The following CHD2 variants were observed in gnomAD, a reference collection of about 807,000 sequenced individuals.
CHD2 encodes the protein ATP-dependent chromatin remodeler CHD2.
CHD2 carries 28 observed loss-of-function variants against 243.9 expected under a neutral mutation model. The ratio of observed to expected loss-of-function variants is 0.11; its 90% CI spans 0.09 to 0.16. CHD2 has a LOEUF of 0.16. Among genes scored for constraint, CHD2 ranks in the 10% least tolerant of loss-of-function variants. The pLI, the probability that CHD2 is intolerant of heterozygous loss-of-function variation, is 1.00. For missense variants in CHD2, 1,386 were observed against 2,209.8 expected (o/e 0.63, Z 7.47); for synonymous variants, 775 against 779.0 (o/e 0.99, Z 0.09).
intron 37 of CHD2, among the ~76,000 whole-genome samples, chr15:93,019,501 C>T (rs1245176705): frequency 1.3e-5 from 2 of 152,062 alleles, no homozygotes; most frequent in Non-Finnish European, 2.9e-5. Context: ...GCAACAAGAC[C>T]AAGAAGAAAG....
At chr15:93,006,323 C>T (rs2054321622) in intron 34 of CHD2, among the ~76,000 whole-genome samples, 1 of 152,018 alleles carries the variant, frequency 6.6e-6, no homozygotes, top group African/African-American at 2.4e-5. Context: ...TATGAGGTTT[C>T]ACCATGTTGG....
intron 25 of CHD2, 103 bp from the exon 26 acceptor site, chr15:92,985,395 G>A: frequency 8.4e-7 from 1 of 1,189,988 alleles, no homozygotes; most frequent in Non-Finnish European, 1.1e-6. Context: ...CTGATATGGT[G>A]AGAAGTTCTG....
chr15:92,993,369 A>C (rs1202538326), intron 28 of CHD2: 4 of 179,224 alleles, frequency 2.2e-5, no homozygotes, highest in Non-Finnish European at 3.6e-5. Context: ...TCTTGGATAT[A>C]TATTGTGCGT....
intron 33 of CHD2, among the ~76,000 whole-genome samples, chr15:93,003,886 G>A (rs1249403576): frequency 8.1e-6 from 1 of 122,784 alleles, no homozygotes; most frequent in Middle Eastern, 3.4e-3. Context: ...AGCACTTTGG[G>A]AGGCCGAGGT....
chr15:92,913,887 C>G (rs576800156), intron 2 of CHD2, among the ~76,000 whole-genome samples: 1 of 152,018 alleles, frequency 6.6e-6, no homozygotes, highest in African/African-American at 2.4e-5. Flanking sequence ...AGAAACCGTG[C>G]TTGCCTTGGT....
Position 92,997,928 on chromosome 15 carries a change from G to A in CHD2, c.3885+525G>A. 6.6e-6 allele frequency: 1 copy of A among 151,346 alleles called. No homozygotes were observed. The highest frequency in any genetic ancestry group is 1.4e-5 in the Non-Finnish European group (1 of 69,412). 9.4% of individuals were successfully genotyped at this position (151,346 alleles called of 1,614,324 possible). The stretch of plus-strand genomic sequence containing the variant: ...GGGAAGGCTGACTGGCTCAAATTTT[G>A]GTAGGATTTGCTCCATGTTGTGCTC... On this transcript the variant is annotated intron_variant, in intron 30 of 38. Transcript: ENST00000394196. The surrounding 1 kb of genome is among the most constrained non-coding windows in gnomAD (Gnocchi z 4.1).
intron 2 of CHD2, among the ~76,000 whole-genome samples, chr15:92,919,914 C>T (rs1480960635): frequency 6.6e-6 from 1 of 152,170 alleles, no homozygotes; most frequent in Non-Finnish European, 1.5e-5. Context: ...TAGTATCATT[C>T]CCTGAGAGCA....
intron 28 of CHD2, among the ~76,000 whole-genome samples, chr15:92,993,466 A>T (rs1373280555): frequency 6.6e-6 from 1 of 152,186 alleles, no homozygotes; most frequent in Non-Finnish European, 1.5e-5. Context: ...TTACGTTGAG[A>T]TTTTCATGCC....
At chr15:92,905,215 G>A (rs948293414) in intron 2 of CHD2, among the ~76,000 whole-genome samples, 6 of 152,166 alleles carry the variant, frequency 3.9e-5, no homozygotes, top group African/African-American at 1.2e-4. Context: ...GCTGATAGTG[G>A]GGTCACTTGG....
intron 2 of CHD2, among the ~76,000 whole-genome samples, chr15:92,915,764 G>A (rs984033580): frequency 2.6e-5 from 4 of 152,240 alleles, no homozygotes; most frequent in South Asian, 2.1e-4. Context: ...AAATTACTAA[G>A]CCAAAGGGAA....
chr15:92,944,154 C>G (rs1288829998), intron 9 of CHD2: 1 of 231,102 alleles, frequency 4.3e-6, no homozygotes, highest in Non-Finnish European at 8.5e-6. Context: ...TTTTGGGTCT[C>G]TTTTTAGACA....
chr15:92,945,331 G>A (rs2053445953), intron 10 of CHD2: 1 of 152,318 alleles, frequency 6.6e-6, no homozygotes, highest in African/African-American at 2.4e-5. Flanking sequence ...AAGGGGAACA[G>A]AGAAGTGGAG....
At chr15:92,969,573 A>G (rs752374085) in intron 17 of CHD2, among the ~76,000 whole-genome samples, 1 of 152,246 alleles carries the variant, frequency 6.6e-6, no homozygotes, top group Non-Finnish European at 1.5e-5. Context: ...TGGAGACCAC[A>G]TACTGGGCCC....
intron 13 of CHD2, among the ~76,000 whole-genome samples, chr15:92,951,265 G>A (rs2096502179): frequency 6.6e-6 from 1 of 152,106 alleles, no homozygotes; most frequent in South Asian, 2.1e-4. Flanking sequence ...CCGATTCCCA[G>A]GTTCACGTGA....
chr15:93,020,262 T>C lies in CHD2; in HGVS notation c.5153+4T>C, dbSNP rs1322785693. ...GACACAGAGATTATTATGACAGGTATGCAAAAGGCTGTGAGACACCAGGTG... is the reference window on the plus strand; with the variant it reads ...GACACAGAGATTATTATGACAGGTACGCAAAAGGCTGTGAGACACCAGGTG... On this transcript the variant is annotated splice_donor_region_variant and intron_variant, in intron 38 of 38. Transcript: ENST00000394196. 1 of 1,614,090 alleles carries C rather than the reference T, an allele frequency of 6.2e-7. No homozygotes were observed. The highest frequency in any genetic ancestry group is 2.2e-5 in the East Asian group (1 of 44,874).
chr15:92,922,251 T>C (rs931985914), intron 2 of CHD2, among the ~76,000 whole-genome samples: 1 of 151,786 alleles, frequency 6.6e-6, no homozygotes, highest in African/African-American at 2.4e-5. Flanking sequence ...CCAAGTTACA[T>C]AAAAGAGGTC....
At chr15:92,922,696 C>T (rs1045658731) in intron 2 of CHD2, among the ~76,000 whole-genome samples, 20 of 152,120 alleles carry the variant, frequency 1.3e-4, no homozygotes, top group African/African-American at 4.6e-4. Context: ...CTGGGTTTTT[C>T]CTTGCCCCCC....
rs956872610 is a variant in CHD2, at chr15:92,996,624, A to G, written c.3596-333A>G. 2.6e-5 allele frequency among the ~76,000 whole-genome samples: 4 copies of G among 152,196 alleles called. No homozygotes were observed. In the East Asian group the frequency reaches 7.7e-4, roughly 29 times the overall value. ...CGCTAGTGGGATGGGTAGGAAAACA[A>G]AAAGAGAAACCTTCAGCACTAATAT... On this transcript the variant is annotated intron_variant, in intron 28 of 38. Coordinates refer to ENST00000394196, the MANE Select transcript of CHD2 (RefSeq NM_001271.4).
intron 2 of CHD2, among the ~76,000 whole-genome samples, chr15:92,922,147 A>G (rs921651970): frequency 1.3e-5 from 2 of 152,138 alleles, no homozygotes; most frequent in African/African-American, 2.4e-5. Flanking sequence ...TTGGCCCCCT[A>G]TGGTAAAATA....
Sources: gnomAD v4.1 joint callset for allele counts (sites outside exome capture counted in the v4.1 genomes callset) on GRCh38, gnomAD v4.1.1 for gene constraint, Gnocchi (gnomAD v3.1) non-coding constraint, MANE v1.5 for transcripts, NCBI Gene and HGNC (gene_info 2026-07-23, HGNC 2026-07-21) for gene names.